NUGGC: variants seen among roughly 807,000 people sequenced by gnomAD.
NUGGC encodes the protein nuclear GTPase, germinal center associated.
NUGGC carries 58 observed loss-of-function variants against 92.6 expected under a neutral mutation model. That is an observed-to-expected ratio of 0.63 (90% CI 0.51 to 0.78). NUGGC has a LOEUF of 0.78. Among genes scored for constraint, NUGGC ranks in the 30% least tolerant of loss-of-function variants. NUGGC has a pLI of 0.00. For synonymous variants in NUGGC, 376 were observed against 366.4 expected (o/e 1.03, Z -0.30); for missense variants, 925 against 964.6 (o/e 0.96, Z 0.54).
chr8:28,033,187 G>T (rs1388598962), intron 14 of NUGGC, among the ~76,000 whole-genome samples: 2 of 152,160 alleles, frequency 1.3e-5, no homozygotes, highest in African/African-American at 2.4e-5. Context: ...AAGAAAGAAA[G>T]TTCTAAAGGC....
intron 3 of NUGGC, 61 bp downstream of exon 3, chr8:28,070,191 C>T (rs77656848): frequency 0.027 from 40,510 of 1,490,384 alleles, 737 homozygotes; most frequent in African/African-American, 0.077. Flanking sequence ...TTCCTTTGAC[C>T]ATTTTAACAT....
chr8:28,035,531 T>C (rs1809533039), intron 13 of NUGGC, among the ~76,000 whole-genome samples: 2 of 152,140 alleles, frequency 1.3e-5, no homozygotes, highest in South Asian at 2.1e-4. Flanking sequence ...CTGCTCTCCA[T>C]GTGACCTCTG....
At chr8:28,042,521 C>T (rs960152762) in intron 12 of NUGGC, among the ~76,000 whole-genome samples, 5 of 152,200 alleles carry the variant, frequency 3.3e-5, no homozygotes, top group Non-Finnish European at 7.3e-5. Context: ...GCTCAAAGGT[C>T]CTTCCCATGA....
chr8:28,076,639 A>T (rs1356669047), intron 1 of NUGGC, among the ~76,000 whole-genome samples: 1 of 152,178 alleles, frequency 6.6e-6, no homozygotes, highest in Non-Finnish European at 1.5e-5. Flanking sequence ...ATTGAAGAGT[A>T]AAGCAAAGAG....
chr8:28,075,314 G>A (rs931341262), intron 1 of NUGGC, among the ~76,000 whole-genome samples: 2 of 151,604 alleles, frequency 1.3e-5, no homozygotes, highest in African/African-American at 4.9e-5. Context: ...TGGAGCATCT[G>A]CAGGAGGGAG....
intron 1 of NUGGC, among the ~76,000 whole-genome samples, chr8:28,075,650 C>T (rs1459050733): frequency 1.3e-5 from 2 of 152,182 alleles, no homozygotes; most frequent in Non-Finnish European, 2.9e-5. Context: ...CCTACTAGAC[C>T]CACAGGCTGT....
intron 8 of NUGGC, among the ~76,000 whole-genome samples, chr8:28,058,597 C>T (rs1328952287): frequency 1.3e-5 from 2 of 152,312 alleles, no homozygotes; most frequent in East Asian, 3.9e-4. Context: ...AACTTTTAAC[C>T]CTCTTTTAGA....
intron 12 of NUGGC, among the ~76,000 whole-genome samples, chr8:28,043,327 T>G (rs532064959): frequency 2.0e-5 from 3 of 152,338 alleles, no homozygotes; most frequent in Non-Finnish European, 4.4e-5. Flanking sequence ...TCCTATGGAT[T>G]CTTAAAAATA....
intron 2 of NUGGC, among the ~76,000 whole-genome samples, chr8:28,072,144 A>G (rs1267153144): frequency 6.6e-6 from 1 of 152,194 alleles, no homozygotes; most frequent in African/African-American, 2.4e-5. Context: ...CTGCCACCTC[A>G]TGCTCCACGC....
Position 28,082,562 on chromosome 8 carries a change from G to C in NUGGC, c.-47+1213C>G, listed in dbSNP as rs78116832. ...TTCTGTAAAATTCAAACTAAAACCT[G>C]ATTCTCCCCATTTCTAGCCCACTGG... On this transcript the variant is annotated intron_variant, in intron 1 of 18. Coordinates refer to ENST00000413272, the MANE Select transcript of NUGGC (RefSeq NM_001010906.2). Among the ~76,000 whole-genome samples, 862 of 152,254 alleles carry C rather than the reference G, an allele frequency of 5.7e-3. 6 individuals carry two copies. The highest frequency in any genetic ancestry group is 0.019 in the African/African-American group (804 of 41,538).
At chr8:28,063,216 G>A (rs1810350477) in intron 7 of NUGGC, among the ~76,000 whole-genome samples, 1 of 152,198 alleles carries the variant, frequency 6.6e-6, no homozygotes, top group Non-Finnish European at 1.5e-5. Context: ...AAACCCACAA[G>A]AATGCAGGGG....
In NUGGC at chr8:28,070,886, G is replaced by A. The variant is rs566224971; in HGVS notation, c.44-530C>T. Among the ~76,000 whole-genome samples, 4 of 151,818 alleles carry A rather than the reference G, an allele frequency of 2.6e-5. No individual in the cohort carries two copies. In the East Asian group the frequency reaches 7.8e-4, roughly 30 times the overall value. On this transcript the variant is annotated intron_variant, in intron 2 of 18. Coordinates refer to ENST00000413272, the MANE Select transcript of NUGGC (RefSeq NM_001010906.2). ...GTGCACCTGTAGTCCTAGCTACTCA[G>A]GAGGCTGAAGTGGGAGGGTCACTTG...
At chr8:28,038,976 CA>C (rs976237326) in intron 13 of NUGGC, among the ~76,000 whole-genome samples, 1 of 152,128 alleles carries the variant, frequency 6.6e-6, no homozygotes, top group African/African-American at 2.4e-5. Context: ...ATTTTGCTCA[CA>C]TTTGCTGACT....
At chr8:28,046,723 C>T (rs1255465030) in intron 11 of NUGGC, among the ~76,000 whole-genome samples, 1 of 149,828 alleles carries the variant, frequency 6.7e-6, no homozygotes, top group Non-Finnish European at 1.5e-5. Context: ...TGTTGTCACC[C>T]AGACTGGAGT....
At chr8:28,042,191 C>A (rs1389057113) in intron 12 of NUGGC, among the ~76,000 whole-genome samples, 1 of 152,156 alleles carries the variant, frequency 6.6e-6, no homozygotes. Context: ...TATAAATTAC[C>A]CAGTCTCGGG....
At chr8:28,025,364 A>G (rs1809230711) in intron 18 of NUGGC, among the ~76,000 whole-genome samples, 1 of 152,232 alleles carries the variant, frequency 6.6e-6, no homozygotes. Context: ...AAATTATAGC[A>G]GTTGCACTTG....
rs1585545563 is a variant in NUGGC at position 28,023,559 on chromosome 8, A to C, written c.2246-97T>G. On this transcript the variant is annotated intron_variant, in intron 18 of 18. Coordinates refer to ENST00000413272, the MANE Select transcript of NUGGC (RefSeq NM_001010906.2). The stretch of plus-strand genomic sequence containing the variant: ...CCAACAATCCTGTCACTTGTCCCAG[A>C]ATATGAGATCTGGAGTGGTGCTTAC... 6 of 1,242,062 alleles carry C rather than the reference A, an allele frequency of 4.8e-6. No individual in the cohort carries two copies. In the East Asian group the frequency reaches 1.4e-4, roughly 29 times the overall value. The allele number at this position is 1,242,062 out of a possible 1,614,324, so 76.9% of individuals were successfully genotyped here.
chr8:28,064,593 C>T lies in NUGGC; in HGVS notation c.850G>A (p.Glu284Lys), dbSNP rs201814798. 3.5e-5 allele frequency: 57 copies of T among 1,614,048 alleles called. No homozygotes were observed. The African/African-American group carries it at 6.7e-4, about 19-fold the overall frequency. The change falls in exon 7 of 19, where the codon GAA becomes AAA. Residue 284 changes from glutamate to lysine, a missense_variant. Coordinates refer to ENST00000413272, the MANE Select transcript of NUGGC (RefSeq NM_001010906.2). Reference sequence around the variant, plus strand: ...GGGATGTCCACCAGCACGACCCCTTCTGGGATCAGGTCGGATTTGGGAAGT... The same window carrying T: ...GGGATGTCCACCAGCACGACCCCTTTTGGGATCAGGTCGGATTTGGGAAGT... ...VTLPKSDLIP[E>K]GVVLVDIPGT...
At chr8:28,053,634 G>C (rs929191387) in intron 10 of NUGGC, among the ~76,000 whole-genome samples, 2 of 152,196 alleles carry the variant, frequency 1.3e-5, no homozygotes, top group Non-Finnish European at 2.9e-5. Context: ...CACCATAGCG[G>C]TGACAGCTAT....
Sources: gnomAD v4.1 joint callset for allele counts (sites outside exome capture counted in the v4.1 genomes callset) on GRCh38, gnomAD v4.1.1 for gene constraint, MANE v1.5 for transcripts, NCBI Gene and HGNC (gene_info 2026-07-23, HGNC 2026-07-21) for gene names.